Variants in L3MBTL3 observed in about 807,000 individuals in gnomAD.
L3MBTL3 encodes the protein L3MBTL histone methyl-lysine binding protein 3.
In L3MBTL3, 27 loss-of-function variants were observed where a neutral mutation model predicts 102.3. The observed-to-expected ratio is 0.26, with a 90% confidence interval of 0.19 to 0.36. L3MBTL3 has a LOEUF of 0.36. Ranked by LOEUF, L3MBTL3 falls within the 10% of genes least tolerant of loss-of-function variation. The pLI, the probability that L3MBTL3 is intolerant of heterozygous loss-of-function variation, is 1.00. For synonymous variants in L3MBTL3, 340 were observed against 320.9 expected (o/e 1.06, Z -0.64); for missense variants, 798 against 955.3 (o/e 0.84, Z 2.17).
intron 2 of L3MBTL3, among the ~76,000 whole-genome samples, chr6:130,041,931 G>A (rs1780444389): frequency 6.6e-6 from 1 of 152,178 alleles, no homozygotes; most frequent in Non-Finnish European, 1.5e-5. Context: ...GATTCTTTCA[G>A]TGGACAAAAC....
chr6:130,029,232 A>G (rs1779549891), intron 2 of L3MBTL3, among the ~76,000 whole-genome samples: 1 of 152,214 alleles, frequency 6.6e-6, no homozygotes, highest in Non-Finnish European at 1.5e-5. Flanking sequence ...ACTTGCACGT[A>G]CATACTCCAG....
chr6:130,057,488 G>A lies in L3MBTL3; in HGVS notation c.750G>A (p.Leu250=), dbSNP rs1191729256. The change falls in exon 9 of 23, where the codon CTG becomes CTA. Residue 250 remains leucine (L), a synonymous_variant. Transcript: ENST00000361794. ...AAGCGGTGGCAGTGCCGGCGAAGCTGTTCAAGGAGGTACGGGCCCTTCTAG... is the reference window on the plus strand; with the variant it reads ...AAGCGGTGGCAGTGCCGGCGAAGCTATTCAAGGAGGTACGGGCCCTTCTAG... ...EEKAVAVPAK[L]FKEHQSFPYN... is the part of the protein sequence containing the mutation. The A allele has an allele frequency of 1.9e-5, 31 of 1,607,348 alleles. No individual in the cohort carries two copies. The highest frequency in any genetic ancestry group is 2.6e-5 in the Non-Finnish European group (31 of 1,177,666).
intron 9 of L3MBTL3, among the ~76,000 whole-genome samples, chr6:130,058,620 G>A (rs1781683858): frequency 6.6e-6 from 1 of 152,160 alleles, no homozygotes; most frequent in African/African-American, 2.4e-5. Flanking sequence ...AACAAGGGTT[G>A]GTAAACTTTT....
Position 130,133,424 on chromosome 6 carries a change from T to G in L3MBTL3, c.1967-28T>G. On this transcript the variant is annotated intron_variant, in intron 20 of 22. Coordinates refer to ENST00000361794, the MANE Select transcript of L3MBTL3 (RefSeq NM_032438.4). The surrounding 1 kb of genome is among the most constrained non-coding windows in gnomAD (Gnocchi z 4.9). ...GGGCTTTCTTGCTGCTTTCAGAGAG[T>G]GATTTCCCATTTGTTTTCATTGACC... 1 of 1,608,082 alleles carries G rather than the reference T, an allele frequency of 6.2e-7. No homozygotes were observed. Among genetic ancestry groups the G allele is most frequent in the Non-Finnish European group, 8.5e-7 (1 of 1,176,332 alleles).
chr6:130,096,081 C>T (rs1784345415), intron 18 of L3MBTL3, among the ~76,000 whole-genome samples: 1 of 151,996 alleles, frequency 6.6e-6, no homozygotes, highest in Admixed American at 6.6e-5. Context: ...TCTTGGATAC[C>T]CTTTGTAACA....
chr6:130,131,538 A>C (rs1787039721), intron 20 of L3MBTL3, among the ~76,000 whole-genome samples: 1 of 152,236 alleles, frequency 6.6e-6, no homozygotes, highest in Admixed American at 6.5e-5. Context: ...AAAGGGTCGC[A>C]GTCCAGACCC....
chr6:130,067,233 C>G (rs1782319087), intron 11 of L3MBTL3, among the ~76,000 whole-genome samples: 1 of 152,070 alleles, frequency 6.6e-6, no homozygotes, highest in East Asian at 1.9e-4. Flanking sequence ...CCTACCTCAG[C>G]CTCCCGAATA....
At position 130,052,951 on chromosome 6, in the gene L3MBTL3, C is replaced by A. The variant is rs753582467; in HGVS notation, c.542C>A (p.Ala181Asp). Residue 181 changes from alanine (A) to aspartate (D), a missense_variant, in exon 7 of 23, where the codon GCT becomes GAT. Transcript: ENST00000361794. ...AAAAAACCAAAATTATCTCTGAAAG[C>A]TGACACCAAGGAGGATGGAGAAGAG... The part of the protein sequence containing the change: ...RKKKPKLSLK[A>D]DTKEDGEERD... 1 of 1,613,810 alleles carries A rather than the reference C, an allele frequency of 6.2e-7. No homozygotes were observed. The highest frequency in any genetic ancestry group is 8.5e-7 in the Non-Finnish European group (1 of 1,179,720).
At chr6:130,071,190 A>C (rs904077639) in intron 13 of L3MBTL3, 63 bp downstream of exon 13, 1 of 1,457,526 alleles carries the variant, frequency 6.9e-7, no homozygotes, top group African/African-American at 1.4e-5. Context: ...ATGGTTTGAA[A>C]ACAGTAATAG....
At chr6:130,105,542 A>G (rs1784931539) in intron 19 of L3MBTL3, among the ~76,000 whole-genome samples, 1 of 148,962 alleles carries the variant, frequency 6.7e-6, no homozygotes, top group African/African-American at 2.5e-5. Flanking sequence ...GGATCATTTG[A>G]GCCTGGGAGG....
chr6:130,072,036 G>C (rs1029319065), intron 13 of L3MBTL3, among the ~76,000 whole-genome samples: 3 of 152,036 alleles, frequency 2.0e-5, no homozygotes, highest in African/African-American at 7.2e-5. Flanking sequence ...AATGTAGACA[G>C]TTAGTTCCAT....
intron 9 of L3MBTL3, among the ~76,000 whole-genome samples, chr6:130,058,137 A>C (rs12201492): frequency 7.4e-6 from 1 of 135,488 alleles, no homozygotes; most frequent in Non-Finnish European, 1.6e-5. Context: ...GCAACAGAGC[A>C]AGACTCCGTC....
chr6:130,104,655 C>A (rs2115351989), intron 19 of L3MBTL3, 80 bp downstream of exon 19: 1 of 1,045,988 alleles, frequency 9.6e-7, no homozygotes, highest in Non-Finnish European at 1.3e-6. Context: ...TATTTTATTT[C>A]CTATAGCAAT....
chr6:130,018,789 C>T, intron 1 of L3MBTL3, 125 bp downstream of exon 1: 1 of 152,156 alleles, frequency 6.6e-6, no homozygotes. Flanking sequence ...GGAAGCGCAC[C>T]CTCGTCTTGT....
At chr6:130,095,391 C>G (rs1179445093) in intron 18 of L3MBTL3, among the ~76,000 whole-genome samples, 1 of 152,084 alleles carries the variant, frequency 6.6e-6, no homozygotes, top group East Asian at 1.9e-4. Context: ...CCTTAATGTT[C>G]TATGAGGTTC....
At chr6:130,078,689 A>G in intron 14 of L3MBTL3, 55 bp downstream of exon 14, 1 of 1,203,176 alleles carries the variant, frequency 8.3e-7, no homozygotes, top group South Asian at 1.3e-5. Flanking sequence ...GAGTAGGCAG[A>G]CTTTTTCTGT....
In L3MBTL3 at chr6:130,068,020, G is replaced by A. The variant is rs557140654; in HGVS notation, c.1001-310G>A. ...ACTATTGTAGTTCAGTATCTATACCGCTGAGGAATTCTACCTAAATACTGG... is the reference window on the plus strand; with the variant it reads ...ACTATTGTAGTTCAGTATCTATACCACTGAGGAATTCTACCTAAATACTGG... On this transcript the variant is annotated intron_variant, in intron 11 of 22. Coordinates refer to ENST00000361794, the MANE Select transcript of L3MBTL3 (RefSeq NM_032438.4). Among the ~76,000 whole-genome samples the A allele has an allele frequency of 1.5e-4, 23 of 152,246 alleles. No homozygotes were observed. The South Asian group carries it at 2.7e-3, about 18-fold the overall frequency.
intron 14 of L3MBTL3, among the ~76,000 whole-genome samples, chr6:130,082,590 A>T (rs1465225191): frequency 2.0e-5 from 3 of 152,042 alleles, no homozygotes; most frequent in African/African-American, 4.8e-5. Context: ...TTTTTTGAGA[A>T]CTTCTTATTT....
chr6:130,034,249 A>G (rs952558649), intron 2 of L3MBTL3, among the ~76,000 whole-genome samples: 1 of 152,254 alleles, frequency 6.6e-6, no homozygotes, highest in African/African-American at 2.4e-5. Flanking sequence ...GATACAGTAG[A>G]TTCTTGACAT....
Sources: allele counts gnomAD v4.1 joint callset (sites outside exome capture counted in the v4.1 genomes callset), GRCh38; gene constraint gnomAD v4.1.1; non-coding constraint Gnocchi (gnomAD v3.1); transcripts MANE v1.5; gene names NCBI Gene and HGNC (gene_info 2026-07-23, HGNC 2026-07-21).